The following SSC5D variants were observed in gnomAD, a reference collection of about 807,000 sequenced individuals.
SSC5D encodes soluble scavenger receptor cysteine-rich domain-containing protein SSC5D.
SSC5D carries 106 observed loss-of-function variants against 104.6 expected under a neutral mutation model. The observed-to-expected ratio is 1.01, with a 90% CI of 0.87 to 1.19. The LOEUF is 1.19. Among genes scored for constraint, SSC5D ranks in the 50% most tolerant of loss-of-function variants. The pLI, the probability that SSC5D is intolerant of heterozygous loss-of-function variation, is 0.00. For missense variants in SSC5D, 1,993 were observed against 2,153.8 expected (o/e 0.93, Z 1.48); for synonymous variants, 860 against 883.5 (o/e 0.97, Z 0.47).
chr19:55,492,898 A>T (rs1010366864), intron 6 of SSC5D: 2 of 152,072 alleles, frequency 1.3e-5, no homozygotes, highest in East Asian at 1.9e-4. Context: ...ATGGTGGCGC[A>T]TGCCTGTAGT....
rs775496162 is a variant in SSC5D at position 55,490,932 on chromosome 19, C to T, written c.747C>T (p.Gly249=). Residue 249 remains glycine (G), a synonymous_variant, in exon 6 of 14, where the codon GGC becomes GGT. Transcript: ENST00000389623. ...GTGGGGGGGCGCTGGCTGCCCCCGG[C>T]GGTGCCAGATTCGGGCCTGGTGCAG... ...LGCGGALAAP[G]GARFGPGAGP... The T allele has an allele frequency of 1.6e-5, 25 of 1,543,944 alleles. No homozygotes were observed. The highest frequency in any genetic ancestry group is 6.0e-5 in the South Asian group (5 of 83,328).
At chr19:55,490,109 G>A (rs111612647) in intron 4 of SSC5D, 114 bp downstream of exon 4, 7 of 506,956 alleles carry the variant, frequency 1.4e-5, no homozygotes, top group South Asian at 4.4e-5. Context: ...TGCCCCCACC[G>A]AGGGGAGAGG....
chr19:55,518,594 C>G lies in SSC5D; in HGVS notation c.4318C>G (p.Pro1440Ala), dbSNP rs540008239. The part of the protein sequence containing the change: ...SASDLTVSPD[P>A]LLSPTAHPLD... ...CTCTGACCTTACTGTGTCCCCTGAC[C>G]CCCTCCTTTCCCCCACAGCCCACCC... is the stretch of plus-strand genomic sequence containing the variant. The change falls in exon 14 of 14, where the codon CCC (proline) becomes GCC (alanine). Residue 1440 changes from proline (P) to alanine (A), a missense_variant. Around this residue, in one of 6 missense-constraint regions of SSC5D, gnomAD observed 349 missense variants for 397.6 expected, o/e 0.88. Coordinates refer to ENST00000389623, the MANE Select transcript of SSC5D (RefSeq NM_001144950.2). The G allele has an allele frequency of 4.7e-5, 72 of 1,534,440 alleles. No homozygotes were observed. The African/African-American group carries it at 8.2e-4, about 18-fold the overall frequency.
At chr19:55,497,403 T>C (rs892582177) in intron 8 of SSC5D, among the ~76,000 whole-genome samples, 4 of 152,202 alleles carry the variant, frequency 2.6e-5, no homozygotes, top group Non-Finnish European at 5.9e-5. Flanking sequence ...AACAACTGCA[T>C]GGAAAAAGAC....
Position 55,518,274 on chromosome 19 carries a change from C to A in SSC5D, c.3998C>A (p.Thr1333Asn). The A allele has an allele frequency of 6.4e-7, 1 of 1,550,914 alleles. No individual in the cohort carries two copies. Among genetic ancestry groups the A allele is most frequent in the Non-Finnish European group, 8.7e-7 (1 of 1,146,834 alleles). ...CCCACAACTCCTGACCCTTCCTCAA[C>A]CCCTGTCATCACTACTGTGTCCCTT... ...PHPTTPDPSS[T>N]PVITTVSLPT... The change falls in exon 14 of 14, where the codon ACC becomes AAC. Residue 1333 changes from threonine (T) to asparagine (N), a missense_variant. Thr to Asn is a moderately conservative substitution (Grantham distance 65). This residue lies in a region of SSC5D where 349 missense variants were observed against 397.6 expected (regional missense o/e 0.88). Coordinates refer to ENST00000389623, the MANE Select transcript of SSC5D (RefSeq NM_001144950.2).
chr19:55,493,704 G>T lies in SSC5D; in HGVS notation c.1005G>T (p.Leu335=). 1 of 1,513,562 alleles carries T rather than the reference G, an allele frequency of 6.6e-7. No homozygotes were observed. The highest frequency in any genetic ancestry group is 8.8e-7 in the Non-Finnish European group (1 of 1,135,780). The allele number at this position is 1,513,562 out of a possible 1,614,324, so 93.8% of individuals were successfully genotyped here. A position where few individuals can be genotyped will look rare whatever the true frequency, so the allele number is the denominator to read the frequency against. ...CGGTGTGTGACGACGCCTGGGACCTGCGAGACGCCGCTGTGGCCTGCCGAG... is the reference window on the plus strand; with the variant it reads ...CGGTGTGTGACGACGCCTGGGACCTTCGAGACGCCGCTGTGGCCTGCCGAG... ...WGSVCDDAWD[L]RDAAVACREL... is the part of the protein sequence containing the mutation. Residue 335 remains leucine (L), a synonymous_variant, in exon 7 of 14, where the codon CTG becomes CTT. Transcript: ENST00000389623.
intron 4 of SSC5D, 112 bp downstream of exon 4, chr19:55,490,107 C>CA (rs1987093599): frequency 1.5e-6 from 1 of 661,992 alleles, no homozygotes; most frequent in Non-Finnish European, 2.5e-6. Context: ...CCTGCCCCCA[C>CA]CGAGGGGAGA....
chr19:55,493,911 C>T lies in SSC5D; in HGVS notation c.1212C>T (p.Asp404=), dbSNP rs1568476114. ...HHREDAGAVC[D]GMPLGYVPPT... ...GCGAGGACGCCGGGGCCGTGTGTGA[C>T]GGTGAGGGGGTTGTGGTGGAGGACC... Residue 404 remains aspartate (D), a splice_region_variant and synonymous_variant, in exon 7 of 14, where the codon GAC becomes GAT. Coordinates refer to ENST00000389623, the MANE Select transcript of SSC5D (RefSeq NM_001144950.2). 8 of 1,292,116 alleles carry T rather than the reference C, an allele frequency of 6.2e-6. No individual in the cohort carries two copies. Among genetic ancestry groups the T allele is most frequent in the Admixed American group, 2.5e-5 (1 of 40,020 alleles). The allele number at this position is 1,292,116 out of a possible 1,614,324, so 80.0% of individuals were successfully genotyped here.
In SSC5D at chr19:55,493,812, T is replaced by A. The variant is rs1270741875; in HGVS notation, c.1113T>A (p.Leu371=). The A allele has an allele frequency of 6.5e-7, 1 of 1,548,948 alleles. No homozygotes were observed. The part of the protein sequence containing the change: ...EGSGPIILDD[L]RCRGNETALR... ...CTGGACCCATCATCCTGGACGACCT[T>A]CGGTGTCGGGGAAACGAGACGGCCT... Residue 371 remains leucine, a synonymous_variant, in exon 7 of 14, where the codon CTT becomes CTA. Coordinates refer to ENST00000389623, the MANE Select transcript of SSC5D (RefSeq NM_001144950.2).
At chr19:55,513,345 T>C (rs1398227659) in intron 13 of SSC5D, among the ~76,000 whole-genome samples, 173 bp downstream of exon 13, 1 of 152,078 alleles carries the variant, frequency 6.6e-6, no homozygotes, top group Non-Finnish European at 1.5e-5. Flanking sequence ...TCACAGCACT[T>C]TGGGAGGCCG....
chr19:55,489,087 C>G, intron 2 of SSC5D, 55 bp downstream of exon 2: 1 of 942,220 alleles, frequency 1.1e-6, no homozygotes. Context: ...CCTCCCCCTT[C>G]TGCCCATCCA....
At chr19:55,507,905 C>A (rs960432062) in intron 12 of SSC5D, among the ~76,000 whole-genome samples, 1 of 151,900 alleles carries the variant, frequency 6.6e-6, no homozygotes, top group African/African-American at 2.4e-5. Context: ...GGGAGAGTGA[C>A]AATGGCTCTG....
At position 55,489,047 on chromosome 19, in the gene SSC5D, T is replaced by A. The variant is rs1599909262; in HGVS notation, c.52+15T>A. On this transcript the variant is annotated intron_variant, in intron 2 of 13. Coordinates refer to ENST00000389623, the MANE Select transcript of SSC5D (RefSeq NM_001144950.2). The stretch of plus-strand genomic sequence containing the variant: ...CCAGGCTGTTGGTAAGTGCCCAGAC[T>A]CCTCCCATCTGCCCGCCCCCCCCCC... 2.2e-6 allele frequency: 3 copies of A among 1,385,746 alleles called. No individual in the cohort carries two copies. Among genetic ancestry groups the A allele is most frequent in the African/African-American group, 1.7e-5 (1 of 57,538 alleles). 85.8% of individuals were successfully genotyped at this position (1,385,746 alleles called of 1,614,324 possible).
At chr19:55,517,162 G>C (rs1055762786) in intron 13 of SSC5D, 62 bp from the exon 14 acceptor site, 1 of 1,425,344 alleles carries the variant, frequency 7.0e-7, no homozygotes, top group Non-Finnish European at 9.4e-7. Context: ...GGCGGGGCGG[G>C]ACGCGTGGTG....
chr19:55,511,919 T>C (rs1987764683), intron 12 of SSC5D, among the ~76,000 whole-genome samples: 1 of 152,042 alleles, frequency 6.6e-6, no homozygotes, highest in Non-Finnish European at 1.5e-5. Context: ...AGTGTTTTGT[T>C]CGGGTGATGA....
In SSC5D at chr19:55,518,435, C is replaced by T. The variant is rs770194550; in HGVS notation, c.4159C>T (p.Pro1387Ser). 2.1e-5 allele frequency: 32 copies of T among 1,551,284 alleles called. No homozygotes were observed. The South Asian group carries it at 3.8e-4, about 18-fold the overall frequency. ...TSQIPTLEPS[P>S]ALESSPSRSS... Reference sequence around the variant, plus strand: ...CCAGATACCCACCTTAGAGCCCTCTCCAGCCTTGGAGTCCAGCCCCTCCAG... The same window carrying T: ...CCAGATACCCACCTTAGAGCCCTCTTCAGCCTTGGAGTCCAGCCCCTCCAG... The change falls in exon 14 of 14, where the codon CCA becomes TCA. Residue 1387 changes from proline to serine, a missense_variant. This residue lies in a region of SSC5D where 349 missense variants were observed against 397.6 expected (regional missense o/e 0.88). Coordinates refer to ENST00000389623, the MANE Select transcript of SSC5D (RefSeq NM_001144950.2).
chr19:55,489,733 C>T (rs1437975176), intron 3 of SSC5D, 71 bp downstream of exon 3: 2 of 1,507,456 alleles, frequency 1.3e-6, no homozygotes, highest in African/African-American at 1.4e-5. Flanking sequence ...AAGTCCTTAG[C>T]CCCAGCAAGT....
rs1260414096 is a variant in SSC5D at position 55,518,838 on chromosome 19, T to A, written c.4562T>A (p.Leu1521Gln). Reference protein sequence around the residue: ...VEQERQERQALLLGLTQLVEA... With the variant: ...VEQERQERQAQLLGLTQLVEA... ...CAGGAGCGGCAGGAGCGCCAAGCCC[T>A]GCTGCTGGGGCTGACGCAGCTGGTA... Residue 1521 changes from leucine (L) to glutamine (Q), a missense_variant, in exon 14 of 14, where the codon CTG becomes CAG. By Grantham distance (113) the Leu-to-Gln change is moderately radical (BLOSUM62 -2). Transcript: ENST00000389623. 1.1e-5 allele frequency: 17 copies of A among 1,550,254 alleles called. No individual in the cohort carries two copies. The highest frequency in any genetic ancestry group is 1.4e-5 in the Non-Finnish European group (16 of 1,146,994).
In SSC5D at chr19:55,500,149, T is replaced by C; in HGVS notation, c.2039T>C (p.Phe680Ser). ...TEASRRPTSE[F>S]TRRPTTEAPQ... ...GCCTCCCGAAGACCTACCTCTGAGTTTACCAGAAGGCCGACCACGGAGGCC... is the reference window on the plus strand; with the variant it reads ...GCCTCCCGAAGACCTACCTCTGAGTCTACCAGAAGGCCGACCACGGAGGCC... Residue 680 changes from phenylalanine (F) to serine (S), a missense_variant, in exon 10 of 14, where the codon TTT becomes TCT. Transcript: ENST00000389623. The surrounding 1 kb of genome is among the most constrained non-coding windows in gnomAD (Gnocchi z 4.6). 6.4e-7 allele frequency: 1 copy of C among 1,551,136 alleles called. No homozygotes were observed. The highest frequency in any genetic ancestry group is 1.2e-5 in the South Asian group (1 of 83,994).
Sources: allele counts gnomAD v4.1 joint callset (sites outside exome capture counted in the v4.1 genomes callset), GRCh38; gene constraint gnomAD v4.1.1; regional missense constraint gnomAD v4.1.1; non-coding constraint Gnocchi (gnomAD v3.1); transcripts MANE v1.5; gene names NCBI Gene and HGNC (gene_info 2026-07-23, HGNC 2026-07-21).